PCLO: variants seen among roughly 807,000 people sequenced by gnomAD.
PCLO encodes piccolo presynaptic cytomatrix protein.
PCLO carries 82 observed loss-of-function variants against 427.5 expected under a neutral mutation model. The ratio of observed to expected loss-of-function variants is 0.19; its 90% CI spans 0.16 to 0.23. PCLO has a LOEUF of 0.23. Ranked by LOEUF, PCLO falls within the 10% of genes least tolerant of loss-of-function variation. The pLI is 1.00. For missense variants in PCLO, 6,239 were observed against 6,115.9 expected (o/e 1.02, Z -0.67); for synonymous variants, 2,357 against 2,155.4 (o/e 1.09, Z -2.59).
rs1792296351 is a variant in PCLO at position 83,156,268 on chromosome 7, A to G, written c.373T>C (p.Leu125=). Reference sequence around the variant, plus strand: ...ATAGTGGAAGGACTCCTCCCAGGCAATTTCTGCTCTGACCTGAAAGTGTCT... The same window carrying G: ...ATAGTGGAAGGACTCCTCCCAGGCAGTTTCTGCTCTGACCTGAAAGTGTCT... ...TTDTFRSEQK[L]PGRSPSTISL... is the part of the protein sequence containing the mutation. Residue 125 remains leucine (L), a synonymous_variant, in exon 2 of 25, where the codon TTG becomes CTG. Coordinates refer to ENST00000333891, the MANE Select transcript of PCLO (RefSeq NM_033026.6). The G allele has an allele frequency of 1.2e-6, 2 of 1,613,478 alleles. No homozygotes were observed. The highest frequency in any genetic ancestry group is 2.2e-5 in the South Asian group (2 of 91,076).
intron 3 of PCLO, among the ~76,000 whole-genome samples, chr7:82,972,480 G>T (rs1350203504): frequency 5.3e-5 from 8 of 152,018 alleles, no homozygotes; most frequent in Non-Finnish European, 1.2e-4. Context: ...GGTTGAACAG[G>T]TTGAAAGTTT....
Position 82,952,992 on chromosome 7 carries a change from G to A in PCLO, c.7961C>T (p.Thr2654Ile). 1.2e-6 allele frequency: 2 copies of A among 1,613,904 alleles called. No individual in the cohort carries two copies. Among genetic ancestry groups the A allele is most frequent in the South Asian group, 1.1e-5 (1 of 91,086 alleles). The change falls in exon 5 of 25, where the codon ACA (threonine) becomes ATA (isoleucine). Residue 2654 changes from threonine (T) to isoleucine (I), a missense_variant. Transcript: ENST00000333891. ...AGCTGCTTGAAATGAAGAGGGTGCT[G>A]TGACAGGGGTAGCAGAAAATGTCTG... The part of the protein sequence containing the change: ...ALQTFSATPV[T>I]APSSFQAAPT...
At chr7:82,936,256 T>A (rs1794951897) in intron 6 of PCLO, among the ~76,000 whole-genome samples, 1 of 151,574 alleles carries the variant, frequency 6.6e-6, no homozygotes, top group Non-Finnish European at 1.5e-5. Flanking sequence ...TAGAAATCAA[T>A]AAATTAAGGA....
intron 3 of PCLO, among the ~76,000 whole-genome samples, chr7:82,991,445 C>G (rs1796374513): frequency 6.6e-6 from 1 of 152,112 alleles, no homozygotes; most frequent in Non-Finnish European, 1.5e-5. Flanking sequence ...TACTTACTGA[C>G]TGGCAATTTA....
chr7:83,090,438 A>C (rs1790350522), intron 3 of PCLO, among the ~76,000 whole-genome samples: 1 of 152,232 alleles, frequency 6.6e-6, no homozygotes, highest in South Asian at 2.1e-4. Context: ...GTTGCATTCC[A>C]AAAAGTTTTC....
At chr7:82,981,050 T>C (rs1344015467) in intron 3 of PCLO, among the ~76,000 whole-genome samples, 1 of 152,134 alleles carries the variant, frequency 6.6e-6, no homozygotes, top group African/African-American at 2.4e-5. Flanking sequence ...GTAATAAAAC[T>C]GCATGTTCTG....
intron 3 of PCLO, among the ~76,000 whole-genome samples, chr7:83,051,142 T>C (rs1468715117): frequency 6.6e-6 from 1 of 152,028 alleles, no homozygotes; most frequent in Non-Finnish European, 1.5e-5. Flanking sequence ...ACTATTCCCA[T>C]AGGATTGGGA....
chr7:83,082,427 A>G (rs746564629), intron 3 of PCLO, among the ~76,000 whole-genome samples: 2 of 151,502 alleles, frequency 1.3e-5, no homozygotes, highest in Non-Finnish European at 3.0e-5. Context: ...TAAAAATCGT[A>G]CATACTTGGA....
At chr7:82,933,430 G>T (rs1457200233) in intron 6 of PCLO, among the ~76,000 whole-genome samples, 2 of 151,864 alleles carry the variant, frequency 1.3e-5, no homozygotes, top group African/African-American at 4.8e-5. Flanking sequence ...ATAGGAATTT[G>T]AGAAAACAGT....
At position 82,827,927 on chromosome 7, in the gene PCLO, A is replaced by C. The variant is rs1791989694; in HGVS notation, c.14289T>G (p.Ser4763Arg). ...CTGTTTGATTCCACTCAGGATTAAG[A>C]CTTTTCTGGACATGTTTAGTCCTTC... ...YKRRTKHVQKSLNPEWNQTVI... is the reference protein window; with the variant it reads ...YKRRTKHVQKRLNPEWNQTVI... Residue 4763 changes from serine (S) to arginine (R), a missense_variant, in exon 17 of 25, where the codon AGT (serine) becomes AGG (arginine). Physicochemically the swap from Ser to Arg is moderately radical, Grantham distance 110 (BLOSUM62 -1). Around this residue, in one of 5 missense-constraint regions of PCLO, gnomAD observed 877 missense variants for 925.5 expected, o/e 0.95. Transcript: ENST00000333891. 2 of 1,604,386 alleles carry C rather than the reference A, an allele frequency of 1.2e-6. No homozygotes were observed.
chr7:82,873,898 G>C (rs1399648481), intron 10 of PCLO, among the ~76,000 whole-genome samples: 1 of 152,046 alleles, frequency 6.6e-6, no homozygotes, highest in Non-Finnish European at 1.5e-5. Context: ...AAGTAACACT[G>C]AGGGAAAAAA....
chr7:82,955,659 G>C lies in PCLO; in HGVS notation c.5294C>G (p.Pro1765Arg). 2 of 1,613,894 alleles carry C rather than the reference G, an allele frequency of 1.2e-6. No homozygotes were observed. The highest frequency in any genetic ancestry group is 1.7e-6 in the Non-Finnish European group (2 of 1,179,868). ...AGAATCTTCAATAGTAGGCAAAAGA[G>C]GGCCATGTGGTCTGTGCCGAGCTTT... ...QRKARHRPHG[P>R]LLPTIEDSSE... Residue 1765 changes from proline to arginine, a missense_variant, in exon 5 of 25, where the codon CCT becomes CGT. Pro to Arg is a moderately radical substitution (Grantham distance 103). This residue lies in a region of PCLO where 4,677 missense variants were observed against 4,468.4 expected (regional missense o/e 1.05). Coordinates refer to ENST00000333891, the MANE Select transcript of PCLO (RefSeq NM_033026.6).
intron 3 of PCLO, among the ~76,000 whole-genome samples, chr7:83,105,541 A>G (rs1159257263): frequency 6.8e-6 from 1 of 146,214 alleles, no homozygotes; most frequent in East Asian, 1.9e-4. Flanking sequence ...AGCATCTTTC[A>G]TGGCTGTGGT....
At chr7:83,127,512 CTG>C (rs1291947900) in intron 3 of PCLO, among the ~76,000 whole-genome samples, 2 of 152,086 alleles carry the variant, frequency 1.3e-5, no homozygotes, top group South Asian at 2.1e-4. Context: ...TTTCACTACT[CTG>C]TGGATTGTAA....
intron 10 of PCLO, among the ~76,000 whole-genome samples, chr7:82,877,724 G>C (rs1334293444): frequency 6.6e-6 from 1 of 152,114 alleles, no homozygotes; most frequent in African/African-American, 2.4e-5. Context: ...GGAGTACAGT[G>C]GCATGATCTT....
chr7:83,084,509 A>G (rs911011729), intron 3 of PCLO, among the ~76,000 whole-genome samples: 3 of 152,170 alleles, frequency 2.0e-5, no homozygotes, highest in African/African-American at 7.2e-5. Flanking sequence ...GATACTAAAA[A>G]TTAAATAATA....
chr7:82,955,404 T>C lies in PCLO; in HGVS notation c.5549A>G (p.Glu1850Gly). The C allele has an allele frequency of 6.2e-7, 1 of 1,613,802 alleles. No homozygotes were observed. Among genetic ancestry groups the C allele is most frequent in the Non-Finnish European group, 8.5e-7 (1 of 1,179,786 alleles). The change falls in exon 5 of 25, where the codon GAG becomes GGG. Residue 1850 changes from glutamate (E) to glycine (G), a missense_variant. Coordinates refer to ENST00000333891, the MANE Select transcript of PCLO (RefSeq NM_033026.6). ...EELRQAAEMEELHRSSCSEYS... is the reference protein window; with the variant it reads ...EELRQAAEMEGLHRSSCSEYS... ...TTCAGAACAAGAAGATCTATGGAGC[T>C]CCTCCATTTCTGCAGCCTGACGTAA... is the stretch of plus-strand genomic sequence containing the variant.
rs2888022 is a variant in PCLO, at chr7:83,050,272, A to T, written c.3301-83785T>A. On this transcript the variant is annotated intron_variant, in intron 3 of 24. Transcript: ENST00000333891. ...ACAAAAAAAACTAGAAGTGCTTTTT[A>T]AAAAAAAAAAAAAAAAACAAAACCA... 8.2e-3 allele frequency among the ~76,000 whole-genome samples: 59 copies of T among 7,182 alleles called. No homozygotes were observed. The African/African-American group carries it at 0.1, about 12-fold the overall frequency. 4.7% of individuals were successfully genotyped at this position (7,182 alleles called of 152,430 possible). A position where few individuals can be genotyped will look rare whatever the true frequency, so the allele number is the denominator to read the frequency against.
intron 3 of PCLO, among the ~76,000 whole-genome samples, chr7:83,094,026 C>A (rs574147695): frequency 3.3e-4 from 50 of 151,720 alleles, no homozygotes; most frequent in African/African-American, 1.1e-3. Flanking sequence ...ACCACAATGA[C>A]CCTCGTGCTG....
Sources: gnomAD v4.1 joint callset for allele counts (sites outside exome capture counted in the v4.1 genomes callset) on GRCh38, gnomAD v4.1.1 for gene constraint, gnomAD v4.1.1 regional missense constraint, MANE v1.5 for transcripts, NCBI Gene and HGNC (gene_info 2026-07-23, HGNC 2026-07-21) for gene names.